The following C8B variants were observed in gnomAD, a reference collection of about 807,000 sequenced individuals.
The protein encoded by C8B is complement C8 beta chain.
A neutral mutation model predicts 64.6 loss-of-function variants in C8B; 67 were observed. The ratio of observed to expected loss-of-function variants is 1.04; its 90% CI spans 0.85 to 1.27. C8B has a LOEUF of 1.27. Among genes scored for constraint, C8B ranks in the 50% most tolerant of loss-of-function variants. C8B has a pLI of 0.00. For synonymous variants in C8B, 284 were observed against 257.7 expected (o/e 1.10, Z -0.98); for missense variants, 790 against 725.2 (o/e 1.09, Z -1.03).
At chr1:56,942,664 A>T (rs1398248099) in intron 8 of C8B, among the ~76,000 whole-genome samples, 2 of 152,076 alleles carry the variant, frequency 1.3e-5, no homozygotes, top group Admixed American at 6.6e-5. Flanking sequence ...AGGTCATACC[A>T]CTGCACTCCA....
intron 7 of C8B, 131 bp from the exon 8 acceptor site, chr1:56,943,955 G>A (rs1644903951): frequency 2.0e-6 from 2 of 987,250 alleles, no homozygotes; most frequent in African/African-American, 1.6e-5. Context: ...TAGGTCACCA[G>A]CCTGATAACA....
At chr1:56,938,020 C>T (rs1464245559) in intron 9 of C8B, among the ~76,000 whole-genome samples, 1 of 152,162 alleles carries the variant, frequency 6.6e-6, no homozygotes, top group East Asian at 1.9e-4. Context: ...GGATGTGTTT[C>T]AGCTTTGTTT....
intron 1 of C8B, among the ~76,000 whole-genome samples, chr1:56,964,750 C>T (rs1231453277): frequency 1.3e-5 from 2 of 152,158 alleles, no homozygotes; most frequent in African/African-American, 4.8e-5. Context: ...TCTCTGTATC[C>T]TCAGAGCCCA....
At chr1:56,964,566 C>A (rs964188871) in intron 1 of C8B, among the ~76,000 whole-genome samples, 1 of 152,224 alleles carries the variant, frequency 6.6e-6, no homozygotes, top group African/African-American at 2.4e-5. Flanking sequence ...CAAACACCCA[C>A]GCACCTGTAG....
intron 8 of C8B, among the ~76,000 whole-genome samples, chr1:56,941,515 TA>T (rs1644857893): frequency 1.3e-5 from 1 of 77,144 alleles, no homozygotes; most frequent in South Asian, 3.2e-4. Context: ...GATACATAGA[TA>T]GATAGATAGA....
At chr1:56,964,358 C>T (rs1309122136) in intron 1 of C8B, among the ~76,000 whole-genome samples, 2 of 152,118 alleles carry the variant, frequency 1.3e-5, no homozygotes, top group African/African-American at 4.8e-5. Context: ...ACTCCAGCAT[C>T]CCCCAACTCT....
At chr1:56,932,340 G>C (rs2101353499) in intron 10 of C8B, among the ~76,000 whole-genome samples, 1 of 152,284 alleles carries the variant, frequency 6.6e-6, no homozygotes, top group Middle Eastern at 3.4e-3. Flanking sequence ...TTTGTAATCT[G>C]TCAAGCAACT....
At chr1:56,950,015 C>G (rs917919539) in intron 5 of C8B, among the ~76,000 whole-genome samples, 1 of 152,118 alleles carries the variant, frequency 6.6e-6, no homozygotes, top group Admixed American at 6.5e-5. Flanking sequence ...GGGGAACATT[C>G]TGGGCTGTGG....
intron 1 of C8B, among the ~76,000 whole-genome samples, chr1:56,962,108 A>G (rs1645187923): frequency 6.6e-6 from 1 of 152,224 alleles, no homozygotes; most frequent in African/African-American, 2.4e-5. Context: ...GAGACTGAGC[A>G]GGTAAGTAAT....
chr1:56,941,137 C>G (rs1029917117), intron 8 of C8B, 125 bp from the exon 9 acceptor site: 10 of 1,054,406 alleles, frequency 9.5e-6, no homozygotes, highest in Non-Finnish European at 1.4e-5. Flanking sequence ...TGTGGGTGGA[C>G]CAGACACTTC....
At position 56,933,402 on chromosome 1, in the gene C8B, C is replaced by T. The variant is rs1212933932; in HGVS notation, c.1485G>A (p.Glu495=). ...GGCAGGAACTAACTTCCTTCTGGAA[C>T]TCCTCCAGTGCCTGCTTCATGTTCT... ...VRQNMKQALE[E]FQKEVSSCHC... The change falls in exon 10 of 12, where the codon GAG becomes GAA. Residue 495 remains glutamate, a synonymous_variant. Transcript: ENST00000371237. 2 of 1,613,612 alleles carry T rather than the reference C, an allele frequency of 1.2e-6. No individual in the cohort carries two copies. Among genetic ancestry groups the T allele is most frequent in the East Asian group, 2.2e-5 (1 of 44,862 alleles).
intron 1 of C8B, among the ~76,000 whole-genome samples, chr1:56,961,533 T>G (rs1478495979): frequency 6.6e-6 from 1 of 151,954 alleles, no homozygotes; most frequent in Non-Finnish European, 1.5e-5. Context: ...TATATACGGG[T>G]TTTGTCCGTT....
At chr1:56,939,160 G>A (rs1644814890) in intron 9 of C8B, among the ~76,000 whole-genome samples, 1 of 152,190 alleles carries the variant, frequency 6.6e-6, no homozygotes, top group Non-Finnish European at 1.5e-5. Flanking sequence ...ATTCAGGTAA[G>A]ATATCTCAGG....
At chr1:56,959,802 G>C in intron 2 of C8B, 1 of 727,810 alleles carries the variant, frequency 1.4e-6, no homozygotes, top group Non-Finnish European at 2.3e-6. Flanking sequence ...GAAGCTAGTA[G>C]AGTGAGAAAG....
At chr1:56,951,711 T>C (rs142127862) in intron 5 of C8B, among the ~76,000 whole-genome samples, 198 of 152,252 alleles carry the variant, frequency 1.3e-3, no homozygotes, top group East Asian at 8.1e-3. Flanking sequence ...AATTTAAAGA[T>C]AGGAAAACAG....
intron 8 of C8B, 72 bp downstream of exon 8, chr1:56,943,624 G>A (rs944577312): frequency 2.5e-5 from 39 of 1,557,308 alleles, no homozygotes; most frequent in Middle Eastern, 1.7e-4. Flanking sequence ...AGGGAGGGAG[G>A]TGTTGTAATC....
Position 56,945,928 on chromosome 1 carries a change from T to C in C8B, c.998A>G (p.Tyr333Cys). 1.2e-6 allele frequency: 2 copies of C among 1,614,122 alleles called. No homozygotes were observed. Among genetic ancestry groups the C allele is most frequent in the Non-Finnish European group, 1.7e-6 (2 of 1,180,012 alleles). Residue 333 changes from tyrosine (Y) to cysteine (C), a missense_variant, in exon 7 of 12, where the codon TAC becomes TGC. By Grantham distance (194) the Tyr-to-Cys change is radical. Coordinates refer to ENST00000371237, the MANE Select transcript of C8B (RefSeq NM_000066.4). ...RLPLEYSYGE[Y>C]RDLFRDFGTH... Reference sequence around the variant, plus strand: ...CCCAAAATCACGGAAGAGATCTCTGTATTCCCCGTAGCTGTACTCCAGGGG... The same window carrying C: ...CCCAAAATCACGGAAGAGATCTCTGCATTCCCCGTAGCTGTACTCCAGGGG...
chr1:56,940,003 G>C (rs1644827129), intron 9 of C8B, among the ~76,000 whole-genome samples: 1 of 112,782 alleles, frequency 8.9e-6, no homozygotes, highest in African/African-American at 3.2e-5. Context: ...GTCTTGTCCT[G>C]TAAGATAGTT....
chr1:56,955,347 C>A lies in C8B; in HGVS notation c.392-520G>T, dbSNP rs560969508. ...GTAAATATTTGCAGTGGGATTGAAA[C>A]CTTTAACTGTCTAATCACAAATTCT... On this transcript the variant is annotated intron_variant, in intron 3 of 11. Transcript: ENST00000371237. Among the ~76,000 whole-genome samples, 7 of 152,286 alleles carry A rather than the reference C, an allele frequency of 4.6e-5. No homozygotes were observed. The East Asian group carries it at 1.3e-3, about 29-fold the overall frequency.
Sources: gnomAD v4.1 joint callset for allele counts (sites outside exome capture counted in the v4.1 genomes callset) on GRCh38, gnomAD v4.1.1 for gene constraint, MANE v1.5 for transcripts, NCBI Gene and HGNC (gene_info 2026-07-23, HGNC 2026-07-21) for gene names.